The following GAP43 variants were observed in gnomAD, a reference collection of about 807,000 sequenced individuals.
GAP43 encodes neuromodulin.
A neutral mutation model predicts 18.6 loss-of-function variants in GAP43; 6 were observed. The observed-to-expected ratio is 0.32, with a 90% CI of 0.18 to 0.64. The LOEUF (loss-of-function observed/expected upper bound fraction) is 0.64. GAP43 is among the 30% of genes least tolerant of loss of function. The probability of loss-of-function intolerance (pLI) is 0.78; values close to 1 mark genes in which losing one functional copy is unlikely to be tolerated. For missense variants in GAP43, 292 were observed against 295.5 expected (o/e 0.99, Z 0.09); for synonymous variants, 115 against 111.4 (o/e 1.03, Z -0.20).
intron 2 of GAP43, among the ~76,000 whole-genome samples, chr3:115,717,061 T>C (rs1351467023): frequency 2.6e-5 from 4 of 151,884 alleles, no homozygotes; most frequent in Non-Finnish European, 5.9e-5. Context: ...GCAAGTCATA[T>C]GATTTAGGGA....
intron 2 of GAP43, among the ~76,000 whole-genome samples, chr3:115,703,837 T>C (rs1051210741): frequency 2.0e-5 from 3 of 152,120 alleles, no homozygotes. Context: ...TTTATTGTTA[T>C]AGTGTTCCCA....
rs532916428 is a variant in GAP43, at chr3:115,683,639, T to C, written c.628+7029T>C. On this transcript the variant is annotated intron_variant, in intron 2 of 2. Coordinates refer to ENST00000305124, the MANE Select transcript of GAP43 (RefSeq NM_002045.4). ...CATCTTACACTTAATTCAATATCAG[T>C]GTATTTTTATATGCTTTTATTTCAT... Among the ~76,000 whole-genome samples, 10 of 152,282 alleles carry C rather than the reference T, an allele frequency of 6.6e-5. No individual in the cohort carries two copies. In the South Asian group the frequency reaches 2.1e-3, roughly 32 times the overall value.
At chr3:115,707,915 G>A (rs1014507070) in intron 2 of GAP43, among the ~76,000 whole-genome samples, 1 of 151,870 alleles carries the variant, frequency 6.6e-6, no homozygotes, top group Non-Finnish European at 1.5e-5. Flanking sequence ...TTTTCTTCCC[G>A]AGGTAATTGA....
intron 2 of GAP43, 132 bp downstream of exon 2, chr3:115,676,742 G>A: frequency 1.0e-6 from 1 of 1,000,866 alleles, no homozygotes. Context: ...AAGGGAAGCT[G>A]TGCTTAATTT....
At chr3:115,668,380 A>G (rs1225293335) in intron 1 of GAP43, among the ~76,000 whole-genome samples, 2 of 152,138 alleles carry the variant, frequency 1.3e-5, no homozygotes, top group African/African-American at 4.8e-5. Flanking sequence ...TATAAATAGT[A>G]GGGAGCAGAG....
At chr3:115,654,928 C>CG (rs1708561922) in intron 1 of GAP43, among the ~76,000 whole-genome samples, 1 of 151,994 alleles carries the variant, frequency 6.6e-6, no homozygotes, top group African/African-American at 2.4e-5. Flanking sequence ...TGGAAATTCA[C>CG]GGGGGGCATC....
intron 1 of GAP43, among the ~76,000 whole-genome samples, chr3:115,625,357 G>A (rs1708174714): frequency 6.6e-6 from 1 of 151,986 alleles, no homozygotes; most frequent in Non-Finnish European, 1.5e-5. Context: ...TGCTTCCATT[G>A]GCTCATTTTA....
intron 1 of GAP43, among the ~76,000 whole-genome samples, chr3:115,641,789 T>G (rs749580512): frequency 2.9e-4 from 44 of 152,094 alleles, no homozygotes; most frequent in Admixed American, 3.3e-4. Flanking sequence ...TTTTCTTTTA[T>G]CTTGTATTTA....
chr3:115,657,250 G>C (rs1487373630), intron 1 of GAP43, among the ~76,000 whole-genome samples: 2 of 152,206 alleles, frequency 1.3e-5, no homozygotes, highest in South Asian at 4.1e-4. Context: ...AGCTAAAGTG[G>C]AAGTGTAGGA....
rs541971500 is a variant in GAP43, at chr3:115,655,060, A to G, written c.31-20953A>G. On this transcript the variant is annotated intron_variant, in intron 1 of 2. Coordinates refer to ENST00000305124, the MANE Select transcript of GAP43 (RefSeq NM_002045.4). ...AAGTAGTAATAAATCTTTGATTATAAAGTTTTCCAGGCAAGAAATATGTAT... is the reference window on the plus strand; with the variant it reads ...AAGTAGTAATAAATCTTTGATTATAGAGTTTTCCAGGCAAGAAATATGTAT... 5.1e-4 allele frequency among the ~76,000 whole-genome samples: 77 copies of G among 152,334 alleles called. 2 individuals carry two copies. Among genetic ancestry groups the G allele is most frequent in the Non-Finnish European group, 9.8e-4 (67 of 68,040 alleles).
In GAP43 at chr3:115,651,295, C is replaced by T. The variant is rs190383624; in HGVS notation, c.31-24718C>T. Among the ~76,000 whole-genome samples the T allele has an allele frequency of 4.7e-3, 723 of 152,296 alleles. 8 individuals are homozygous for T. Among genetic ancestry groups the T allele is most frequent in the Middle Eastern group, 0.01 (3 of 294 alleles). On this transcript the variant is annotated intron_variant, in intron 1 of 2. Transcript: ENST00000305124. ...TTTCTTGCTAAATGAAGTCAAGTCT[C>T]TCTTCCTCTTTCTCTCACACACACA...
chr3:115,639,389 A>G (rs1311051299), intron 1 of GAP43, among the ~76,000 whole-genome samples: 5 of 152,118 alleles, frequency 3.3e-5, no homozygotes, highest in Non-Finnish European at 7.4e-5. Context: ...TAAAATATAC[A>G]GCTATATCAT....
intron 1 of GAP43, among the ~76,000 whole-genome samples, chr3:115,655,838 C>T (rs955953434): frequency 2.6e-5 from 4 of 152,164 alleles, no homozygotes; most frequent in South Asian, 2.1e-4. Context: ...TAATTCCACA[C>T]GAACTACCCA....
chr3:115,633,125 G>A (rs950231374), intron 1 of GAP43, among the ~76,000 whole-genome samples: 2 of 151,984 alleles, frequency 1.3e-5, no homozygotes, highest in Non-Finnish European at 2.9e-5. Flanking sequence ...TCTTTCTGGG[G>A]CCCTGCATCA....
chr3:115,662,925 C>A (rs566713124), intron 1 of GAP43, among the ~76,000 whole-genome samples: 2 of 152,168 alleles, frequency 1.3e-5, no homozygotes, highest in African/African-American at 2.4e-5. Context: ...AATCCCTGAA[C>A]GCAGGTTCAT....
chr3:115,690,417 A>G (rs184183714), intron 2 of GAP43, among the ~76,000 whole-genome samples: 51 of 152,280 alleles, frequency 3.3e-4, no homozygotes, highest in African/African-American at 1.2e-3. Context: ...CATGTTTCAG[A>G]AACATTTTTT....
intron 1 of GAP43, among the ~76,000 whole-genome samples, chr3:115,628,180 A>G: frequency 6.6e-6 from 1 of 151,958 alleles, no homozygotes; most frequent in East Asian, 1.9e-4. Context: ...TCCCTGTTAG[A>G]GATGAGTTCC....
intron 1 of GAP43, among the ~76,000 whole-genome samples, chr3:115,627,133 CTTTT>C (rs5851968): frequency 1.2e-4 from 15 of 122,672 alleles, no homozygotes; most frequent in Non-Finnish European, 1.4e-4. Context: ...TTTTTTCTTT[CTTTT>C]TTTTTTTTTT....
intron 2 of GAP43, among the ~76,000 whole-genome samples, chr3:115,699,909 A>G (rs1289773248): frequency 6.6e-6 from 1 of 152,158 alleles, no homozygotes; most frequent in Non-Finnish European, 1.5e-5. Flanking sequence ...CTGGGCAATC[A>G]ATGTAATTTC....
Sources: gnomAD v4.1 joint callset for allele counts (sites outside exome capture counted in the v4.1 genomes callset) on GRCh38, gnomAD v4.1.1 for gene constraint, MANE v1.5 for transcripts, NCBI Gene and HGNC (gene_info 2026-07-23, HGNC 2026-07-21) for gene names.